Variants in DSTN observed in about 807,000 individuals in gnomAD.
The protein encoded by DSTN is destrin.
A neutral mutation model predicts 16.8 loss-of-function variants in DSTN; 10 were observed. That is an observed-to-expected ratio of 0.60 (90% CI 0.37 to 1.01). The LOEUF (loss-of-function observed/expected upper bound fraction) is 1.01, where lower values mean the gene tolerates loss of function less well. Ranked by LOEUF, DSTN falls within the 50% of genes least tolerant of loss-of-function variation. The probability of loss-of-function intolerance (pLI) is 0.01; values close to 1 mark genes in which losing one functional copy is unlikely to be tolerated. For synonymous variants in DSTN, 57 were observed against 58.9 expected, an observed-to-expected ratio of 0.97 and a Z score of 0.14; for missense variants, 141 against 196.7, an observed-to-expected ratio of 0.72 and a Z score of 1.69.
intron 1 of DSTN, among the ~76,000 whole-genome samples, chr20:17,572,681 G>A (rs367646581): frequency 6.6e-6 from 1 of 152,162 alleles, no homozygotes; most frequent in African/African-American, 2.4e-5. Flanking sequence ...AGTGAAATAG[G>A]TTGGGCATGT....
At chr20:17,605,323 G>A in intron 3 of DSTN, 1 of 353,212 alleles carries the variant, frequency 2.8e-6, no homozygotes, top group Non-Finnish European at 5.6e-6. Context: ...ACCTCCATGG[G>A]CCTTGATTCT....
chr20:17,603,267 T>C (rs2035605867), intron 2 of DSTN, among the ~76,000 whole-genome samples: 1 of 152,192 alleles, frequency 6.6e-6, no homozygotes, highest in Non-Finnish European at 1.5e-5. Context: ...ATGGAATTAT[T>C]AAATGCTCAG....
At chr20:17,599,222 G>A (rs1294100722) in intron 1 of DSTN, 1 of 152,266 alleles carries the variant, frequency 6.6e-6, no homozygotes, top group Non-Finnish European at 1.5e-5. Flanking sequence ...AATTTTAGGA[G>A]TTCAAGGCTG....
chr20:17,579,700 TCCAAGTGGAAGAAG>T (rs1409756915), intron 1 of DSTN, among the ~76,000 whole-genome samples: 1 of 152,234 alleles, frequency 6.6e-6, no homozygotes, highest in Non-Finnish European at 1.5e-5. Context: ...TTACTTGCTA[TCCAAGTGGAAGAAG>T]CCAGAATCAT....
rs117071077 is a variant in DSTN at position 17,589,484 on chromosome 20, C to T, written c.4-11254C>T. Among the ~76,000 whole-genome samples the T allele has an allele frequency of 8.9e-4, 136 of 152,330 alleles. 3 individuals carry two copies. In the East Asian group the frequency reaches 0.017, roughly 19 times the overall value. On this transcript the variant is annotated intron_variant, in intron 1 of 3. Transcript: ENST00000246069. ...GCTCCCAAAATTTTGGGATTACAGG[C>T]GTGAGCCGCAGCGCCCAGCCAAGTT...
chr20:17,570,255 GC>G, intron 1 of DSTN, 44 bp downstream of exon 1: 1 of 1,476,294 alleles, frequency 6.8e-7, no homozygotes, highest in Non-Finnish European at 9.0e-7. Context: ...GCGGCCGGGA[GC>G]AGTGTGTCTC....
chr20:17,594,618 C>T (rs1362091599), intron 1 of DSTN, among the ~76,000 whole-genome samples: 3 of 152,226 alleles, frequency 2.0e-5, no homozygotes, highest in South Asian at 2.1e-4. Context: ...CTCAGCTTGC[C>T]AGGAAGGCTG....
At chr20:17,587,163 A>T (rs2035419137) in intron 1 of DSTN, among the ~76,000 whole-genome samples, 1 of 151,134 alleles carries the variant, frequency 6.6e-6, no homozygotes. Context: ...CCATTATTTC[A>T]CTTCTTCCCC....
chr20:17,573,293 G>GA (rs1225999398), intron 1 of DSTN, among the ~76,000 whole-genome samples: 2 of 151,220 alleles, frequency 1.3e-5, no homozygotes, highest in Non-Finnish European at 2.9e-5. Context: ...AGCTCTGTGA[G>GA]AAAAAATTAA....
chr20:17,587,202 TA>T (rs11477352), intron 1 of DSTN, among the ~76,000 whole-genome samples: 30,604 of 136,910 alleles, frequency 0.22, 4,591 homozygotes, highest in African/African-American at 0.45. Flanking sequence ...TCTCAAGGAA[TA>T]AAAAAAAAAA....
chr20:17,592,272 C>T (rs144269218), intron 1 of DSTN, among the ~76,000 whole-genome samples: 11 of 151,826 alleles, frequency 7.2e-5, no homozygotes, highest in African/African-American at 2.4e-4. Context: ...TAAAAAAATA[C>T]AAAAATTAGC....
chr20:17,570,131 C>G lies in DSTN; in HGVS notation c.-78C>G. 6.6e-7 allele frequency: 1 copy of G among 1,510,136 alleles called. No homozygotes were observed. The highest frequency in any genetic ancestry group is 1.2e-5 in the South Asian group (1 of 82,392). 93.5% of individuals were successfully genotyped at this position (1,510,136 alleles called of 1,614,324 possible). On this transcript the variant is annotated 5_prime_UTR_variant, in exon 1 of 4. Coordinates refer to ENST00000246069, the MANE Select transcript of DSTN (RefSeq NM_006870.4). Reference sequence around the variant, plus strand: ...CTCAGCGCTGGGTCTCTCGGTCCCGCAGCCGTGAGGAGGACGGTCTGCATA... The same window carrying G: ...CTCAGCGCTGGGTCTCTCGGTCCCGGAGCCGTGAGGAGGACGGTCTGCATA...
At chr20:17,594,358 T>C (rs1012906264) in intron 1 of DSTN, among the ~76,000 whole-genome samples, 10 of 152,106 alleles carry the variant, frequency 6.6e-5, no homozygotes, top group Non-Finnish European at 1.3e-4. Flanking sequence ...TCTCCTATCA[T>C]GAAGTATGCT....
intron 1 of DSTN, 108 bp downstream of exon 1, chr20:17,570,319 A>G: frequency 7.5e-7 from 1 of 1,330,706 alleles, no homozygotes; most frequent in Non-Finnish European, 9.7e-7. Context: ...CAGCCCGGGG[A>G]GGGACCCGGT....
chr20:17,574,017 T>C (rs777331519), intron 1 of DSTN, among the ~76,000 whole-genome samples: 5 of 151,428 alleles, frequency 3.3e-5, no homozygotes, highest in Non-Finnish European at 5.9e-5. Context: ...CTGGACAATA[T>C]AGTGAGACCT....
At position 17,609,737 on chromosome 20, in the gene DSTN, A is replaced by G. The variant is rs1419759654; in HGVS notation, c.*2591A>G. 1.3e-5 allele frequency: 2 copies of G among 152,230 alleles called. No individual in the cohort carries two copies. Among genetic ancestry groups the G allele is most frequent in the Non-Finnish European group, 2.9e-5 (2 of 68,042 alleles). 9.4% of individuals were successfully genotyped at this position (152,230 alleles called of 1,614,324 possible). A position where few individuals can be genotyped will look rare whatever the true frequency, so the allele number is the denominator to read the frequency against. ...ATAATTAGGGTTCAGACCTCAGCTGATTGGTCTACTGTTGGTCAGGAACAA... is the reference window on the plus strand; with the variant it reads ...ATAATTAGGGTTCAGACCTCAGCTGGTTGGTCTACTGTTGGTCAGGAACAA... On this transcript the variant is annotated 3_prime_UTR_variant, in exon 4 of 4. Coordinates refer to ENST00000246069, the MANE Select transcript of DSTN (RefSeq NM_006870.4).
chr20:17,596,389 A>G (rs2035526878), intron 1 of DSTN, among the ~76,000 whole-genome samples: 1 of 152,072 alleles, frequency 6.6e-6, no homozygotes, highest in Admixed American at 6.6e-5. Context: ...GGTCATCTCC[A>G]CCTAGATGTC....
In DSTN at chr20:17,570,253, G is replaced by A. The variant is rs1225335829; in HGVS notation, c.3+42G>A. 3 of 1,477,752 alleles carry A rather than the reference G, an allele frequency of 2.0e-6. No individual in the cohort carries two copies. In the South Asian group the frequency reaches 3.9e-5, roughly 19 times the overall value. The allele number at this position is 1,477,752 out of a possible 1,614,324, so 91.5% of individuals were successfully genotyped here. ...CCGAGGCGTGGGCCGAGGCGGCCGG[G>A]AGCAGTGTGTCTCTGGGGCGCCGCG... On this transcript the variant is annotated intron_variant, in intron 1 of 3. Transcript: ENST00000246069.
chr20:17,594,638 G>A (rs568497832), intron 1 of DSTN, among the ~76,000 whole-genome samples: 22 of 152,284 alleles, frequency 1.4e-4, no homozygotes, highest in Middle Eastern at 3.4e-3. Flanking sequence ...GGGGAATGCA[G>A]TCTTTCCTGT....
Sources: gnomAD v4.1 joint callset for allele counts (sites outside exome capture counted in the v4.1 genomes callset) on GRCh38, gnomAD v4.1.1 for gene constraint, MANE v1.5 for transcripts, NCBI Gene and HGNC (gene_info 2026-07-23, HGNC 2026-07-21) for gene names.